The following CYP27C1 variants were observed in gnomAD, a reference collection of about 807,000 sequenced individuals.
CYP27C1 encodes the protein cytochrome P450 family 27 subfamily C member 1.
In CYP27C1, 29 loss-of-function variants were observed where a neutral mutation model predicts 40.6. The ratio of observed to expected loss-of-function variants is 0.71; its 90% CI spans 0.53 to 0.97. CYP27C1 has a LOEUF of 0.97. Ranked by LOEUF, CYP27C1 falls within the 50% of genes least tolerant of loss-of-function variation. The probability of loss-of-function intolerance (pLI) is 0.00; values close to 1 mark genes in which losing one functional copy is unlikely to be tolerated. For missense variants in CYP27C1, 390 were observed against 485.8 expected (o/e 0.80, Z 1.85); for synonymous variants, 198 against 186.8 (o/e 1.06, Z -0.49).
chr2:127,215,780 C>T (rs1357197942), intron 1 of CYP27C1, among the ~76,000 whole-genome samples: 1 of 148,966 alleles, frequency 6.7e-6, no homozygotes, highest in African/African-American at 2.5e-5. Flanking sequence ...TGATAAGGGA[C>T]TTGTACCCAG....
chr2:127,187,228 G>A lies in CYP27C1; in HGVS notation c.*43C>T, dbSNP rs762435442. On this transcript the variant is annotated 3_prime_UTR_variant, in exon 9 of 9. Coordinates refer to ENST00000664447, the MANE Select transcript of CYP27C1 (RefSeq NM_001367502.1). The stretch of plus-strand genomic sequence containing the variant: ...CGAACACAAATACCCACTGTGTGTC[G>A]GCGAGCTGGTCTGCTACATCAGCCC... 1.3e-5 allele frequency: 19 copies of A among 1,501,088 alleles called. No homozygotes were observed. Among genetic ancestry groups the A allele is most frequent in the East Asian group, 9.0e-5 (4 of 44,334 alleles). The allele number at this position is 1,501,088 out of a possible 1,614,324, so 93.0% of individuals were successfully genotyped here. A position where few individuals can be genotyped will look rare whatever the true frequency, so the allele number is the denominator to read the frequency against.
chr2:127,204,482 A>AAGAAAGAAAGAAAGAAAG (rs1683142380), intron 2 of CYP27C1, among the ~76,000 whole-genome samples: 1 of 79,170 alleles, frequency 1.3e-5, no homozygotes, highest in Non-Finnish European at 2.5e-5. Context: ...GAAAGAAAGA[A>AAGAAAGAAAGAAAGAAAG]AGAAAGGAAG....
At chr2:127,191,298 G>A (rs578124843) in intron 8 of CYP27C1, among the ~76,000 whole-genome samples, 1 of 152,292 alleles carries the variant, frequency 6.6e-6, no homozygotes, top group African/African-American at 2.4e-5. Context: ...TGCCCAGGTA[G>A]AAATGAGGAC....
intron 8 of CYP27C1, among the ~76,000 whole-genome samples, chr2:127,189,994 C>T (rs976192834): frequency 3.3e-5 from 5 of 152,082 alleles, no homozygotes; most frequent in African/African-American, 1.2e-4. Flanking sequence ...TTTTTCTATT[C>T]TCTATTTATA....
intron 1 of CYP27C1, among the ~76,000 whole-genome samples, chr2:127,215,783 G>A (rs572674544): frequency 7.9e-4 from 119 of 150,242 alleles, no homozygotes; most frequent in African/African-American, 2.7e-3. Context: ...TAAGGGACTT[G>A]TACCCAGAAT....
In CYP27C1 at chr2:127,196,918, T is replaced by G. The variant is rs1216419648; in HGVS notation, c.1048-1417A>C. 3.3e-5 allele frequency among the ~76,000 whole-genome samples: 5 copies of G among 152,220 alleles called. No homozygotes were observed. The highest frequency in any genetic ancestry group is 1.5e-5 in the Non-Finnish European group (1 of 68,040). ...GGCAGTGGTTTCATAAATGATTCCATCTGTCAAAAATCTGTATCGCATTAT... is the reference window on the plus strand; with the variant it reads ...GGCAGTGGTTTCATAAATGATTCCAGCTGTCAAAAATCTGTATCGCATTAT... On this transcript the variant is annotated intron_variant, in intron 5 of 8. Coordinates refer to ENST00000664447, the MANE Select transcript of CYP27C1 (RefSeq NM_001367502.1). The surrounding 1 kb of genome is among the most constrained non-coding windows in gnomAD (Gnocchi z 4.5).
In CYP27C1 at chr2:127,199,458, G is replaced by A. The variant is rs1285721652; in HGVS notation, c.965C>T (p.Thr322Ile). The change falls in exon 5 of 9, where the codon ACA becomes ATA. Residue 322 changes from threonine (T) to isoleucine (I), a missense_variant. Transcript: ENST00000664447. ...CAGAGCCTGGCTAAGGAAGAGGTAT[G>A]TGAGAAGTCCCCCGCTCACCCTCCG... The part of the protein sequence containing the change: ...RGRRVSGGLL[T>I]YLFLSQALTL... 1.2e-6 allele frequency: 2 copies of A among 1,614,240 alleles called. No homozygotes were observed. The highest frequency in any genetic ancestry group is 4.5e-5 in the East Asian group (2 of 44,892).
chr2:127,214,674 G>T (rs1259465556), intron 1 of CYP27C1, among the ~76,000 whole-genome samples: 2 of 151,904 alleles, frequency 1.3e-5, no homozygotes, highest in African/African-American at 4.8e-5. Context: ...TGCTGGGGTG[G>T]GGGTTGAGGG....
chr2:127,207,041 A>C (rs1683242004), intron 1 of CYP27C1, among the ~76,000 whole-genome samples: 1 of 152,228 alleles, frequency 6.6e-6, no homozygotes. Context: ...TTAAAAAACA[A>C]TTCAATTTAC....
chr2:127,205,319 C>T (rs1558931887), intron 2 of CYP27C1, among the ~76,000 whole-genome samples: 1 of 152,166 alleles, frequency 6.6e-6, no homozygotes, highest in East Asian at 1.9e-4. Flanking sequence ...ATCAAAAGAG[C>T]TGCAAACAGA....
intron 3 of CYP27C1, 130 bp downstream of exon 3, chr2:127,203,242 G>A: frequency 1.0e-6 from 1 of 977,592 alleles, no homozygotes; most frequent in East Asian, 2.4e-5. Flanking sequence ...TAGCACCGTG[G>A]AGGTGACATG....
intron 1 of CYP27C1, among the ~76,000 whole-genome samples, chr2:127,213,202 TGGATAG>T (rs1245548192): frequency 1.3e-5 from 2 of 152,094 alleles, no homozygotes; most frequent in Admixed American, 1.3e-4. Context: ...TCCATCCTTA[TGGATAG>T]GAAGAATCAA....
intron 1 of CYP27C1, among the ~76,000 whole-genome samples, chr2:127,210,246 A>G (rs1683310098): frequency 6.6e-6 from 1 of 152,348 alleles, no homozygotes; most frequent in Non-Finnish European, 1.5e-5. Context: ...CCAGACTTTC[A>G]TATCCAGCCA....
intron 8 of CYP27C1, among the ~76,000 whole-genome samples, chr2:127,188,411 A>AT (rs1385914648): frequency 6.6e-6 from 1 of 151,854 alleles, no homozygotes; most frequent in Non-Finnish European, 1.5e-5. Flanking sequence ...TAACTTTTTA[A>AT]TTTTTTCATA....
rs566589590 is a variant in CYP27C1 at position 127,193,243 on chromosome 2, G to A, written c.1348C>T (p.Arg450Trp). The A allele has an allele frequency of 8.1e-6, 13 of 1,614,094 alleles. No individual in the cohort carries two copies. Among genetic ancestry groups the A allele is most frequent in the African/African-American group, 2.7e-5 (2 of 74,928 alleles). ...ATSYQDENFP[R>W]AKEFRPERWL... ...CGCTCAGGCCGGAACTCCTTGGCCC[G>A]AGGGAAGTTCTCATCCTGGTACGAT... The change falls in exon 8 of 9, where the codon CGG becomes TGG. Residue 450 changes from arginine to tryptophan, a missense_variant. By Grantham distance (101) the Arg-to-Trp change is moderately radical. Transcript: ENST00000664447.
chr2:127,206,530 A>T (rs1448109779), intron 1 of CYP27C1, among the ~76,000 whole-genome samples: 3 of 151,938 alleles, frequency 2.0e-5, no homozygotes, highest in Admixed American at 6.6e-5. Context: ...CTGGTCTCGA[A>T]CTCTTGGCCT....
chr2:127,199,564 G>T, intron 4 of CYP27C1, 25 bp from the exon 5 acceptor site: 1 of 1,595,054 alleles, frequency 6.3e-7, no homozygotes, highest in Admixed American at 1.7e-5. Flanking sequence ...TATTTCTTTT[G>T]AAAGGAGTTT....
At chr2:127,215,715 A>C (rs1683419013) in intron 1 of CYP27C1, among the ~76,000 whole-genome samples, 3 of 152,156 alleles carry the variant, frequency 2.0e-5, no homozygotes, top group Admixed American at 1.3e-4. Context: ...TAAAATGTAA[A>C]AATAAAAAGC....
chr2:127,204,443 AG>A (rs1558930827), intron 2 of CYP27C1, among the ~76,000 whole-genome samples: 1 of 24,682 alleles, frequency 4.1e-5, no homozygotes, highest in Non-Finnish European at 7.4e-5. Context: ...AGAAAGAAAA[AG>A]AAAGAAAGAA....
Sources: gnomAD v4.1 joint callset for allele counts (sites outside exome capture counted in the v4.1 genomes callset) on GRCh38, gnomAD v4.1.1 for gene constraint, Gnocchi (gnomAD v3.1) non-coding constraint, MANE v1.5 for transcripts, NCBI Gene and HGNC (gene_info 2026-07-23, HGNC 2026-07-21) for gene names.